Variants in CD96 observed in about 807,000 individuals in gnomAD.
CD96 encodes the protein T-cell surface protein tactile.
In CD96, 70 loss-of-function variants were observed where a neutral mutation model predicts 71.3. That is an observed-to-expected ratio of 0.98 (90% CI 0.81 to 1.20). The LOEUF (loss-of-function observed/expected upper bound fraction) is 1.20, where lower values mean the gene tolerates loss of function less well. Among genes scored for constraint, CD96 ranks in the 50% most tolerant of loss-of-function variants. The probability of loss-of-function intolerance (pLI) is 0.00; values close to 1 mark genes in which losing one functional copy is unlikely to be tolerated. For synonymous variants in CD96, 248 were observed against 233.0 expected, an observed-to-expected ratio of 1.06 and a Z score of -0.59; for missense variants, 742 against 677.5, an observed-to-expected ratio of 1.10 and a Z score of -1.06.
chr3:111,656,342 A>C (rs1394686741), downstream of CD96, among the ~76,000 whole-genome samples: 7 of 152,216 alleles, frequency 4.6e-5, no homozygotes, highest in Non-Finnish European at 1.0e-4. Flanking sequence ...CATGAATTTC[A>C]AGTTTGACAA....
At chr3:111,595,899 T>C (rs1160642651) in intron 5 of CD96, among the ~76,000 whole-genome samples, 1 of 152,072 alleles carries the variant, frequency 6.6e-6, no homozygotes, top group African/African-American at 2.4e-5. Context: ...CCATGGATCT[T>C]GCCTGTAGTC....
At chr3:111,649,498 A>C (rs1258563639) in intron 13 of CD96, among the ~76,000 whole-genome samples, 200 bp from the exon 14 acceptor site, 1 of 152,250 alleles carries the variant, frequency 6.6e-6, no homozygotes, top group Non-Finnish European at 1.5e-5. Flanking sequence ...GCAAACTACA[A>C]AATACCGTAT....
At chr3:111,592,601 C>G (rs1937044813) in intron 5 of CD96, among the ~76,000 whole-genome samples, 1 of 152,140 alleles carries the variant, frequency 6.6e-6, no homozygotes, top group Admixed American at 6.5e-5. Context: ...TGCATTTCTT[C>G]TCTATCCCAT....
intron 14 of CD96, among the ~76,000 whole-genome samples, chr3:111,663,351 C>T (rs915110843): frequency 2.0e-5 from 3 of 152,174 alleles, no homozygotes; most frequent in Non-Finnish European, 2.9e-5. Context: ...CAAAGCCAAA[C>T]TGTAACAGCC....
intron 4 of CD96, among the ~76,000 whole-genome samples, chr3:111,583,548 G>T (rs946289291): frequency 2.0e-5 from 3 of 152,224 alleles, no homozygotes; most frequent in African/African-American, 7.2e-5. Flanking sequence ...CGCCCTTGCA[G>T]CAAACTTTTG....
intron 12 of CD96, among the ~76,000 whole-genome samples, chr3:111,640,480 T>C (rs1939539272): frequency 2.6e-5 from 4 of 151,862 alleles, no homozygotes; most frequent in Admixed American, 2.6e-4. Context: ...CACCCAAAAG[T>C]CTGGGATTAT....
At chr3:111,590,954 T>C (rs1936948825) in intron 5 of CD96, among the ~76,000 whole-genome samples, 2 of 152,194 alleles carry the variant, frequency 1.3e-5, no homozygotes, top group South Asian at 4.1e-4. Context: ...ACCTTTGTTA[T>C]GTTTGAAATA....
In CD96 at chr3:111,598,156, A is replaced by G. The variant is rs569385889; in HGVS notation, c.844A>G (p.Lys282Glu). 5 of 1,504,780 alleles carry G rather than the reference A, an allele frequency of 3.3e-6. No homozygotes were observed. The highest frequency in any genetic ancestry group is 4.6e-6 in the Non-Finnish European group (5 of 1,080,948). 93.2% of individuals were successfully genotyped at this position (1,504,780 alleles called of 1,614,324 possible). Residue 282 changes from lysine to glutamate, a missense_variant, in exon 6 of 14, where the codon AAA (lysine) becomes GAA (glutamate). Coordinates refer to ENST00000352690, the MANE Select transcript of CD96 (RefSeq NM_005816.5). Reference protein sequence around the residue: ...FTCLLKNVFPKANITWFIDGS... With the variant: ...FTCLLKNVFPEANITWFIDGS... ...CTGCTTACTAAAGAATGTATTTCCC[A>G]AAGCAAATATCACATGGTTTATAGA... is the stretch of plus-strand genomic sequence containing the variant.
At chr3:111,572,602 G>A (rs1936036355) in intron 3 of CD96, among the ~76,000 whole-genome samples, 1 of 152,260 alleles carries the variant, frequency 6.6e-6, no homozygotes, top group South Asian at 2.1e-4. Context: ...ACATAGAAAT[G>A]ATGAAGGTGA....
In CD96 at chr3:111,651,109, T is replaced by C. The variant is rs1940056781; in HGVS notation, c.*1303T>C. ...CAATTAAATCAGAATGTCTGAGGAG[T>C]GAGACACAGGCATCAACACTCTCAA... On this transcript the variant is annotated 3_prime_UTR_variant, in exon 14 of 14. Coordinates refer to ENST00000352690, the MANE Select transcript of CD96 (RefSeq NM_005816.5). 6.6e-6 allele frequency: 1 copy of C among 151,992 alleles called. No homozygotes were observed. Among genetic ancestry groups the C allele is most frequent in the Non-Finnish European group, 1.5e-5 (1 of 67,986 alleles). 9.4% of individuals were successfully genotyped at this position (151,992 alleles called of 1,614,324 possible).
chr3:111,548,000 C>T lies in CD96; in HGVS notation c.418+2598C>T, dbSNP rs200113668. Among the ~76,000 whole-genome samples the T allele has an allele frequency of 2.6e-5, 4 of 152,138 alleles. No individual in the cohort carries two copies. In the East Asian group the frequency reaches 7.7e-4, roughly 29 times the overall value. ...CAACCAATAGCATATTTTCTTTCTACCCTTTACTGTTTTGATCTTCTCTTG... is the reference window on the plus strand; with the variant it reads ...CAACCAATAGCATATTTTCTTTCTATCCTTTACTGTTTTGATCTTCTCTTG... On this transcript the variant is annotated intron_variant, in intron 2 of 13. Coordinates refer to ENST00000352690, the MANE Select transcript of CD96 (RefSeq NM_005816.5).
chr3:111,549,966 G>A (rs536427839), intron 2 of CD96, among the ~76,000 whole-genome samples: 1 of 152,244 alleles, frequency 6.6e-6, no homozygotes, highest in South Asian at 2.1e-4. Context: ...AATTCTGGGA[G>A]TGAAAGAAAT....
intron 3 of CD96, among the ~76,000 whole-genome samples, chr3:111,569,889 G>A (rs1398452820): frequency 1.3e-5 from 2 of 152,212 alleles, no homozygotes; most frequent in Non-Finnish European, 2.9e-5. Flanking sequence ...GAAGGGGGAC[G>A]TTTAGGTCCT....
chr3:111,622,489 A>C (rs1472806926), intron 8 of CD96, among the ~76,000 whole-genome samples: 1 of 152,230 alleles, frequency 6.6e-6, no homozygotes, highest in Non-Finnish European at 1.5e-5. Context: ...CATTGCAAAA[A>C]AAGGTTATCA....
chr3:111,573,603 A>C lies in CD96; in HGVS notation c.544-5424A>C, dbSNP rs981062730. Among the ~76,000 whole-genome samples, 10 of 148,502 alleles carry C rather than the reference A, an allele frequency of 6.7e-5. No individual in the cohort carries two copies. The South Asian group carries it at 2.1e-3, about 31-fold the overall frequency. On this transcript the variant is annotated intron_variant, in intron 3 of 13. Transcript: ENST00000352690. The stretch of plus-strand genomic sequence containing the variant: ...GGAATATTTGTTCCCAAAGTCAGTG[A>C]AAATAAAGAAATTCACGATTTTTCT...
intron 3 of CD96, 109 bp downstream of exon 3, chr3:111,567,756 C>A: frequency 9.9e-7 from 1 of 1,012,922 alleles, no homozygotes; most frequent in Non-Finnish European, 1.5e-6. Flanking sequence ...AACAGGCAGG[C>A]ATTATGCCAG....
chr3:111,555,912 T>C (rs868345328), intron 2 of CD96, among the ~76,000 whole-genome samples: 38 of 152,282 alleles, frequency 2.5e-4, no homozygotes, highest in African/African-American at 9.2e-4. Context: ...GTTACCATAC[T>C]TGATACTGTC....
At position 111,615,353 on chromosome 3, in the gene CD96, G is replaced by A. The variant is rs567889070; in HGVS notation, c.1181-8401G>A. Among the ~76,000 whole-genome samples the A allele has an allele frequency of 5.3e-5, 8 of 152,328 alleles. No homozygotes were observed. The South Asian group carries it at 1.7e-3, about 32-fold the overall frequency. On this transcript the variant is annotated intron_variant, in intron 8 of 13. Transcript: ENST00000352690. ...TGCTTGAGGAACATGAAGGGAGACA[G>A]GAGAATGCAGAAAAGGGAAAGCTTT...
At chr3:111,548,551 T>G (rs1368516364) in intron 2 of CD96, among the ~76,000 whole-genome samples, 2 of 152,238 alleles carry the variant, frequency 1.3e-5, no homozygotes, top group Non-Finnish European at 2.9e-5. Flanking sequence ...TTCATTTGAA[T>G]GCTACTGGAT....
Sources: allele counts gnomAD v4.1 joint callset (sites outside exome capture counted in the v4.1 genomes callset), GRCh38; gene constraint gnomAD v4.1.1; transcripts MANE v1.5; gene names NCBI Gene and HGNC (gene_info 2026-07-23, HGNC 2026-07-21).